Variants in CSMD3 observed in about 807,000 individuals in gnomAD.
The protein encoded by CSMD3 is CUB and Sushi multiple domains 3, also known as CUB and sushi domain-containing protein 3.
CSMD3 carries 177 observed loss-of-function variants against 435.2 expected under a neutral mutation model. The ratio of observed to expected loss-of-function variants is 0.41; its 90% CI spans 0.36 to 0.46. CSMD3 has a LOEUF of 0.46. Among genes scored for constraint, CSMD3 ranks in the 20% least tolerant of loss-of-function variants. The pLI is 0.34. For synonymous variants in CSMD3, 1,656 were observed against 1,520.5 expected (o/e 1.09, Z -2.07); for missense variants, 4,265 against 4,504.6 (o/e 0.95, Z 1.52).
At chr8:113,198,217 G>A (rs1484852488) in intron 3 of CSMD3, among the ~76,000 whole-genome samples, 1 of 151,276 alleles carries the variant, frequency 6.6e-6, no homozygotes, top group East Asian at 1.9e-4. Context: ...ATGTTCATCA[G>A]CTCCAACTTT....
At chr8:113,218,672 T>G (rs1262096545) in intron 3 of CSMD3, among the ~76,000 whole-genome samples, 2 of 151,126 alleles carry the variant, frequency 1.3e-5, no homozygotes, top group Non-Finnish European at 3.0e-5. Flanking sequence ...TAACTAGTAA[T>G]GGAAGGAAAA....
chr8:113,206,661 T>A (rs1310363896), intron 3 of CSMD3, among the ~76,000 whole-genome samples: 1 of 152,168 alleles, frequency 6.6e-6, no homozygotes, highest in Non-Finnish European at 1.5e-5. Context: ...CAAATGCACA[T>A]GTATAGAAGT....
At chr8:113,322,253 C>A (rs1249403123) in intron 1 of CSMD3, among the ~76,000 whole-genome samples, 2 of 152,066 alleles carry the variant, frequency 1.3e-5, no homozygotes, top group Non-Finnish European at 2.9e-5. Context: ...GTATGCATTT[C>A]TATCCTCAAG....
At chr8:112,406,468 A>T (rs1831868743) in intron 35 of CSMD3, 56 bp downstream of exon 35, 1 of 1,225,732 alleles carries the variant, frequency 8.2e-7, no homozygotes. Flanking sequence ...GAAAGATGTA[A>T]CCAATTTTTA....
intron 1 of CSMD3, among the ~76,000 whole-genome samples, chr8:113,351,405 A>G (rs1468447162): frequency 2.0e-5 from 3 of 152,182 alleles, no homozygotes; most frequent in Non-Finnish European, 4.4e-5. Context: ...GCCCTCACCT[A>G]TAAAATAGAT....
At chr8:112,905,012 T>C (rs2082217538) in intron 10 of CSMD3, among the ~76,000 whole-genome samples, 1 of 151,294 alleles carries the variant, frequency 6.6e-6, no homozygotes, top group Non-Finnish European at 1.5e-5. Context: ...AAAAATGGAA[T>C]GGATTTGGTT....
Position 112,224,204 on chromosome 8 carries a change from T to C in CSMD3, c.*567A>G, listed in dbSNP as rs1219528413. 1 of 154,930 alleles carries C rather than the reference T, an allele frequency of 6.5e-6. No homozygotes were observed. The highest frequency in any genetic ancestry group is 1.4e-5 in the Non-Finnish European group (1 of 69,686). 9.6% of individuals were successfully genotyped at this position (154,930 alleles called of 1,614,324 possible). The stretch of plus-strand genomic sequence containing the variant: ...ATTCAAATTGGAATGGGAAACCTTA[T>C]GTCTTCCGAGGCATAAACTAGCTCA... On this transcript the variant is annotated 3_prime_UTR_variant, in exon 71 of 71. Transcript: ENST00000297405.
At chr8:112,378,872 A>G (rs1190305371) in intron 38 of CSMD3, among the ~76,000 whole-genome samples, 1 of 152,178 alleles carries the variant, frequency 6.6e-6, no homozygotes, top group Non-Finnish European at 1.5e-5. Flanking sequence ...CCCTGATTTA[A>G]TCACTACACA....
intron 10 of CSMD3, among the ~76,000 whole-genome samples, chr8:112,877,102 T>G (rs993659892): frequency 6.6e-6 from 1 of 151,924 alleles, no homozygotes; most frequent in Admixed American, 6.6e-5. Context: ...CTCAAGGAAA[T>G]AAGAGAAGAC....
At chr8:113,016,599 T>C (rs2086469015) in intron 6 of CSMD3, among the ~76,000 whole-genome samples, 1 of 151,874 alleles carries the variant, frequency 6.6e-6, no homozygotes, top group East Asian at 1.9e-4. Flanking sequence ...TAAATAATTA[T>C]AGGTAAATCA....
chr8:113,252,069 T>C (rs1479561575), intron 3 of CSMD3, among the ~76,000 whole-genome samples: 1 of 152,082 alleles, frequency 6.6e-6, no homozygotes, highest in Non-Finnish European at 1.5e-5. Flanking sequence ...GCTGCTATTA[T>C]ACTTGAGAGA....
At chr8:113,077,527 C>T (rs1439087808) in intron 5 of CSMD3, among the ~76,000 whole-genome samples, 1 of 152,014 alleles carries the variant, frequency 6.6e-6, no homozygotes, top group African/African-American at 2.4e-5. Flanking sequence ...CATGGCGAAA[C>T]CCCATCTCTA....
In CSMD3 at chr8:112,360,400, T is replaced by A. The variant is rs574974462; in HGVS notation, c.6137-7866A>T. ...CATTTTTAAACAAGATTTTACATAATATACATAAACAAAATAAAATGTTTG... is the reference window on the plus strand; with the variant it reads ...CATTTTTAAACAAGATTTTACATAAAATACATAAACAAAATAAAATGTTTG... On this transcript the variant is annotated intron_variant, in intron 38 of 70. Coordinates refer to ENST00000297405, the MANE Select transcript of CSMD3 (RefSeq NM_198123.2). 8.3e-4 allele frequency among the ~76,000 whole-genome samples: 127 copies of A among 152,126 alleles called. 1 individual carries two copies. The highest frequency in any genetic ancestry group is 1.5e-3 in the Non-Finnish European group (103 of 67,870).
chr8:113,213,742 A>C (rs1370528721), intron 3 of CSMD3, among the ~76,000 whole-genome samples: 1 of 152,082 alleles, frequency 6.6e-6, no homozygotes, highest in Non-Finnish European at 1.5e-5. Flanking sequence ...CAAAAGGAAA[A>C]CTTGATTTGC....
chr8:113,352,905 T>C (rs1171798893), intron 1 of CSMD3, among the ~76,000 whole-genome samples: 1 of 152,182 alleles, frequency 6.6e-6, no homozygotes, highest in Non-Finnish European at 1.5e-5. Context: ...TTTGGGTGAA[T>C]TGGTACAGGG....
chr8:112,605,399 G>A (rs1322246046), intron 22 of CSMD3, among the ~76,000 whole-genome samples: 1 of 152,084 alleles, frequency 6.6e-6, no homozygotes, highest in Non-Finnish European at 1.5e-5. Flanking sequence ...ATAGTGGACT[G>A]CACAAAGAAA....
At chr8:112,898,378 G>C (rs1049438301) in intron 10 of CSMD3, among the ~76,000 whole-genome samples, 3 of 151,054 alleles carry the variant, frequency 2.0e-5, no homozygotes, top group Admixed American at 6.6e-5. Flanking sequence ...ATGCATTATG[G>C]TTTTCATTTG....
At chr8:112,747,391 C>G (rs2077457486) in intron 13 of CSMD3, among the ~76,000 whole-genome samples, 1 of 151,516 alleles carries the variant, frequency 6.6e-6, no homozygotes, top group African/African-American at 2.4e-5. Context: ...CCAATCCAAC[C>G]ACTGTAAAAG....
At chr8:113,296,040 C>T (rs557788391) in intron 2 of CSMD3, among the ~76,000 whole-genome samples, 4 of 151,804 alleles carry the variant, frequency 2.6e-5, no homozygotes, top group Non-Finnish European at 5.9e-5. Context: ...AGCAAACTAT[C>T]GCAAGGACAA....
Sources: gnomAD v4.1 joint callset for allele counts (sites outside exome capture counted in the v4.1 genomes callset) on GRCh38, gnomAD v4.1.1 for gene constraint, MANE v1.5 for transcripts, NCBI Gene and HGNC (gene_info 2026-07-23, HGNC 2026-07-21) for gene names.